INPP5D: variants seen among roughly 807,000 people sequenced by gnomAD.
The protein encoded by INPP5D is inositol polyphosphate-5-phosphatase D.
Under a neutral mutation model 122.9 loss-of-function variants are expected in INPP5D, and 33 were observed. That is an observed-to-expected ratio of 0.27 (90% CI 0.20 to 0.36). INPP5D has a LOEUF of 0.36. Among genes scored for constraint, INPP5D ranks in the 10% least tolerant of loss-of-function variants. The pLI is 1.00. For synonymous variants in INPP5D, 584 were observed against 576.2 expected (o/e 1.01, Z -0.19); for missense variants, 1,053 against 1,412.7 (o/e 0.75, Z 4.08).
chr2:233,134,761 C>T (rs746755368), intron 5 of INPP5D, among the ~76,000 whole-genome samples: 1 of 152,168 alleles, frequency 6.6e-6, no homozygotes, highest in Non-Finnish European at 1.5e-5. Flanking sequence ...GTCTGAATAT[C>T]AATACAATAT....
intron 7 of INPP5D, 33 bp downstream of exon 7, chr2:233,146,275 C>A (rs1693756914): frequency 1.4e-6 from 1 of 704,288 alleles, no homozygotes. Context: ...TTCTCTTGGT[C>A]TCCTCTTTGG....
chr2:233,153,534 C>A (rs1487327525), intron 9 of INPP5D, among the ~76,000 whole-genome samples: 1 of 152,156 alleles, frequency 6.6e-6, no homozygotes, highest in East Asian at 1.9e-4. Flanking sequence ...AAACCCTAAG[C>A]AGGTGGAAGA....
In INPP5D at chr2:233,207,068, T is replaced by C. The variant is rs1695528848; in HGVS notation, c.*360T>C. The C allele has an allele frequency of 4.7e-6, 1 of 210,970 alleles. No individual in the cohort carries two copies. The allele number at this position is 210,970 out of a possible 1,614,324, so 13.1% of individuals were successfully genotyped here. On this transcript the variant is annotated 3_prime_UTR_variant, in exon 27 of 27. Transcript: ENST00000445964. This position sits in a 1 kb window ranked among gnomAD's most constrained non-coding sequence, Gnocchi z 4.6. ...ATAATAATAATATTAATAATAATAA[T>C]GGCCACATGGATCGAACACTCATGA...
At chr2:233,068,436 T>C (rs990565694) in intron 1 of INPP5D, among the ~76,000 whole-genome samples, 10 of 147,806 alleles carry the variant, frequency 6.8e-5, no homozygotes, top group Non-Finnish European at 1.3e-4. Flanking sequence ...CTACTAAAAA[T>C]ACGAAAAATT....
intron 2 of INPP5D, among the ~76,000 whole-genome samples, chr2:233,096,796 A>G (rs916037791): frequency 6.6e-6 from 1 of 152,068 alleles, no homozygotes; most frequent in Non-Finnish European, 1.5e-5. Flanking sequence ...TGTTTTGTAT[A>G]TTAATTTTGG....
At chr2:233,122,418 T>C (rs1303176521) in intron 3 of INPP5D, among the ~76,000 whole-genome samples, 161 bp downstream of exon 3, 2 of 152,174 alleles carry the variant, frequency 1.3e-5, no homozygotes, top group Non-Finnish European at 2.9e-5. Flanking sequence ...CAGGCAGACA[T>C]GGGTTAAAAT....
At chr2:233,103,168 T>C (rs1269423866) in intron 2 of INPP5D, among the ~76,000 whole-genome samples, 1 of 152,206 alleles carries the variant, frequency 6.6e-6, no homozygotes, top group Non-Finnish European at 1.5e-5. Context: ...ACACCCCATG[T>C]ATGCCTTGAC....
chr2:233,204,542 A>G lies in INPP5D; in HGVS notation c.3392A>G (p.Gln1131Arg), dbSNP rs1324709039. The change falls in exon 26 of 27, where the codon CAG (glutamine) becomes CGG (arginine). Residue 1131 changes from glutamine (Q) to arginine (R), a missense_variant. By Grantham distance (43) the Gln-to-Arg change is conservative. Around this residue, in one of 6 missense-constraint regions of INPP5D, gnomAD observed 417 missense variants for 425.8 expected, o/e 0.98. Coordinates refer to ENST00000445964, the MANE Select transcript of INPP5D (RefSeq NM_001017915.3). ...PIKPSRSEIN[Q>R]QTPPTPTPRP... Reference sequence around the variant, plus strand: ...AAGCCTTCCAGATCGGAAATCAACCAGCAGACCCCGCCCACCCCGACGCCG... The same window carrying G: ...AAGCCTTCCAGATCGGAAATCAACCGGCAGACCCCGCCCACCCCGACGCCG... 6.3e-7 allele frequency: 1 copy of G among 1,577,270 alleles called. No homozygotes were observed. The highest frequency in any genetic ancestry group is 8.6e-7 in the Non-Finnish European group (1 of 1,163,136).
Position 233,169,229 on chromosome 2 carries a change from C to T in INPP5D, c.1556-76C>T, listed in dbSNP as rs1274502068. 1.0e-5 allele frequency: 16 copies of T among 1,542,636 alleles called. No individual in the cohort carries two copies. The Admixed American group carries it at 2.8e-4, about 27-fold the overall frequency. On this transcript the variant is annotated intron_variant, in intron 13 of 26. Coordinates refer to ENST00000445964, the MANE Select transcript of INPP5D (RefSeq NM_001017915.3). ...CTCACTCACTGCCCCTCTCACCCTG[C>T]CTTCGGGTGATTTCTGGCCCCTTGG...
Position 233,189,837 on chromosome 2 carries a change from C to T in INPP5D, c.2359-13C>T. ...TGCCCATCAACTCCAGTCCTGTGCCCTTCTCTCTGCAGCTGAAGCCCATTA... is the reference window on the plus strand; with the variant it reads ...TGCCCATCAACTCCAGTCCTGTGCCTTTCTCTCTGCAGCTGAAGCCCATTA... On this transcript the variant is annotated splice_polypyrimidine_tract_variant and intron_variant, in intron 21 of 26. Transcript: ENST00000445964. The surrounding 1 kb of genome is among the most constrained non-coding windows in gnomAD (Gnocchi z 5.6). The T allele has an allele frequency of 6.2e-7, 1 of 1,612,446 alleles. No individual in the cohort carries two copies. The highest frequency in any genetic ancestry group is 8.5e-7 in the Non-Finnish European group (1 of 1,179,106).
At chr2:233,074,477 A>G (rs1691463940) in intron 1 of INPP5D, among the ~76,000 whole-genome samples, 1 of 152,186 alleles carries the variant, frequency 6.6e-6, no homozygotes, top group Admixed American at 6.5e-5. Flanking sequence ...TTAGCAAGAA[A>G]TGGCCTCTTT....
chr2:233,195,475 G>A lies in INPP5D; in HGVS notation c.2673G>A (p.Lys891=). The change falls in exon 24 of 27, where the codon AAG becomes AAA. Residue 891 remains lysine (K), a synonymous_variant. Transcript: ENST00000445964. ...LKSLTSHDPM[K]QWEVTSRAPP... ...GCCTCACCAGCCACGACCCCATGAA[G>A]CAGTGGGAAGTCACTAGCAGGTAAA... is the stretch of plus-strand genomic sequence containing the variant. 1 of 1,613,114 alleles carries A rather than the reference G, an allele frequency of 6.2e-7. No individual in the cohort carries two copies. Among genetic ancestry groups the A allele is most frequent in the Non-Finnish European group, 8.5e-7 (1 of 1,179,526 alleles).
At chr2:233,180,535 T>G (rs1382251347) in intron 18 of INPP5D, among the ~76,000 whole-genome samples, 1 of 151,538 alleles carries the variant, frequency 6.6e-6, no homozygotes, top group East Asian at 1.9e-4. Context: ...CAGTTTTTTG[T>G]TTTTTTTGTT....
At chr2:233,157,134 T>C (rs1416207404) in intron 9 of INPP5D, among the ~76,000 whole-genome samples, 10 of 152,228 alleles carry the variant, frequency 6.6e-5, no homozygotes, top group Non-Finnish European at 1.3e-4. Flanking sequence ...TAAAAATGTA[T>C]CACCGATTCT....
intron 5 of INPP5D, among the ~76,000 whole-genome samples, chr2:233,131,534 T>TAAAAAAAAAAA (rs754526793): frequency 3.5e-4 from 47 of 134,358 alleles, no homozygotes; most frequent in African/African-American, 5.8e-4. Context: ...CTGTCTCTAC[T>TAAAAAAAAAAA]AAAAAAAAAA....
chr2:233,118,684 T>C (rs530247626), intron 2 of INPP5D, among the ~76,000 whole-genome samples: 2 of 152,380 alleles, frequency 1.3e-5, no homozygotes, highest in Admixed American at 6.5e-5. Flanking sequence ...CAGCAGGTTT[T>C]CCCTCAGGTG....
At position 233,070,968 on chromosome 2, in the gene INPP5D, C is replaced by A. The variant is rs563993955; in HGVS notation, c.135-8367C>A. 4.6e-5 allele frequency among the ~76,000 whole-genome samples: 7 copies of A among 152,002 alleles called. No homozygotes were observed. The East Asian group carries it at 1.2e-3, about 25-fold the overall frequency. On this transcript the variant is annotated intron_variant, in intron 1 of 26. Transcript: ENST00000445964. ...TTTAATCTCTCTGGAATTAATTTAACAAATGATGCAGGATACAGATTTAGG... is the reference window on the plus strand; with the variant it reads ...TTTAATCTCTCTGGAATTAATTTAAAAAATGATGCAGGATACAGATTTAGG...
intron 2 of INPP5D, among the ~76,000 whole-genome samples, chr2:233,098,199 G>A (rs1173149476): frequency 6.6e-6 from 1 of 152,096 alleles, no homozygotes; most frequent in Non-Finnish European, 1.5e-5. Context: ...GGCCTTGGTT[G>A]TCTCACTTCC....
At chr2:233,157,200 A>C (rs1156913201) in intron 9 of INPP5D, among the ~76,000 whole-genome samples, 1 of 152,218 alleles carries the variant, frequency 6.6e-6, no homozygotes, top group Admixed American at 6.5e-5. Context: ...GGTGTAAACC[A>C]AGAAGAGGAA....
Sources: gnomAD v4.1 joint callset for allele counts (sites outside exome capture counted in the v4.1 genomes callset) on GRCh38, gnomAD v4.1.1 for gene constraint, gnomAD v4.1.1 regional missense constraint, Gnocchi (gnomAD v3.1) non-coding constraint, MANE v1.5 for transcripts, NCBI Gene and HGNC (gene_info 2026-07-23, HGNC 2026-07-21) for gene names.